The following PCBP3 variants were observed in gnomAD, a reference collection of about 807,000 sequenced individuals.
The protein encoded by PCBP3 is poly(rC) binding protein 3.
In PCBP3, 25 loss-of-function variants were observed where a neutral mutation model predicts 52.7. That is an observed-to-expected ratio of 0.47 (90% confidence interval 0.35 to 0.66). PCBP3 has a LOEUF of 0.66. PCBP3 is among the 30% of genes least tolerant of loss of function. The pLI, the probability that PCBP3 is intolerant of heterozygous loss-of-function variation, is 0.01. For missense variants in PCBP3, 391 were observed against 490.3 expected (o/e 0.80, Z 1.91); for synonymous variants, 162 against 183.0 (o/e 0.89, Z 0.93).
Position 45,677,837 on chromosome 21 carries a change from G to C in PCBP3, c.-200+8885G>C, listed in dbSNP as rs370133471. Reference sequence around the variant, plus strand: ...GCACATCTTTATAGCATGGTTTACTGAATCTTTTAAGCCTTCTCTTGAGAC... The same window carrying C: ...GCACATCTTTATAGCATGGTTTACTCAATCTTTTAAGCCTTCTCTTGAGAC... On this transcript the variant is annotated intron_variant, in intron 2 of 17. Transcript: ENST00000681687. 6.6e-4 allele frequency among the ~76,000 whole-genome samples: 100 copies of C among 152,262 alleles called. 3 individuals carry two copies. The South Asian group carries it at 0.02, about 30-fold the overall frequency.
At chr21:45,810,218 C>CTGTGTGTGTGTGTG (rs149677854) in intron 4 of PCBP3, among the ~76,000 whole-genome samples, 1,492 of 148,142 alleles carry the variant, frequency 0.01, 9 homozygotes, top group Middle Eastern at 0.056. Flanking sequence ...TGATTCGATT[C>CTGTGTGTGTGTGTG]TGTGTGTGTG....
At chr21:45,823,270 G>T (rs1000602930) in intron 4 of PCBP3, among the ~76,000 whole-genome samples, 4 of 152,164 alleles carry the variant, frequency 2.6e-5, no homozygotes, top group African/African-American at 4.8e-5. Context: ...GCGCCCGCTG[G>T]CATGGCTGCT....
At chr21:45,761,022 G>T (rs1340085846) in intron 4 of PCBP3, 1 of 152,050 alleles carries the variant, frequency 6.6e-6, no homozygotes, top group Non-Finnish European at 1.5e-5. Context: ...GGGAGGCGGA[G>T]GTTTCTGTGA....
chr21:45,934,040 CT>C (rs2076614128), intron 15 of PCBP3, among the ~76,000 whole-genome samples: 1 of 152,092 alleles, frequency 6.6e-6, no homozygotes, highest in Admixed American at 6.5e-5. Flanking sequence ...TTGGGGACCC[CT>C]CTGGTCTGTC....
At chr21:45,936,527 G>C (rs2076914973) in intron 16 of PCBP3, among the ~76,000 whole-genome samples, 1 of 152,234 alleles carries the variant, frequency 6.6e-6, no homozygotes, top group African/African-American at 2.4e-5. Context: ...CCCCAGGTGT[G>C]GGGTGGCACA....
intron 2 of PCBP3, among the ~76,000 whole-genome samples, chr21:45,689,011 A>G (rs1394656886): frequency 1.3e-5 from 2 of 152,148 alleles, no homozygotes; most frequent in African/African-American, 4.8e-5. Context: ...AAGTTTGAGA[A>G]AAAAATAATA....
chr21:45,935,111 C>T, intron 15 of PCBP3, 142 bp from the exon 16 acceptor site: 1 of 613,436 alleles, frequency 1.6e-6, no homozygotes, highest in Non-Finnish European at 2.9e-6. Flanking sequence ...AGGGTCCTGG[C>T]CCTCTGGGCT....
chr21:45,749,139 T>C (rs1366894331), intron 3 of PCBP3, among the ~76,000 whole-genome samples: 1 of 151,970 alleles, frequency 6.6e-6, no homozygotes, highest in African/African-American at 2.4e-5. Context: ...ACCCTTTTTA[T>C]CAGTAAAGAA....
At chr21:45,705,958 G>C (rs184143021) in intron 2 of PCBP3, among the ~76,000 whole-genome samples, 8 of 152,326 alleles carry the variant, frequency 5.3e-5, no homozygotes, top group African/African-American at 1.9e-4. Flanking sequence ...TTTTGCACAT[G>C]TGTGTTTATG....
At chr21:45,835,016 G>T (rs1164389190) in intron 4 of PCBP3, among the ~76,000 whole-genome samples, 1 of 152,244 alleles carries the variant, frequency 6.6e-6, no homozygotes, top group Non-Finnish European at 1.5e-5. Flanking sequence ...CGGGCAGCTT[G>T]GGAGGCCGGT....
rs1032642665 is a variant in PCBP3 at position 45,683,427 on chromosome 21, G to A, written c.-200+14475G>A. ...GAGGACTTACTTTGGGTTAGACACA[G>A]CAAAGTAAGGAGATCTAAGGTGAAA... On this transcript the variant is annotated intron_variant, in intron 2 of 17. Coordinates refer to ENST00000681687, the MANE Select transcript of PCBP3 (RefSeq NM_001384156.1). 7.9e-5 allele frequency among the ~76,000 whole-genome samples: 12 copies of A among 152,270 alleles called. No individual in the cohort carries two copies. In the South Asian group the frequency reaches 2.5e-3, roughly 32 times the overall value.
rs1035630377 is a variant in PCBP3 at position 45,892,557 on chromosome 21, G to A, written c.11-3651G>A. ...GCTTCATGTACCAGACCGTGTTCAT[G>A]TTCACACCTGGGAGGAGGGGAAGCA... On this transcript the variant is annotated intron_variant, in intron 5 of 17. Transcript: ENST00000681687. Among the ~76,000 whole-genome samples, 3 of 146,380 alleles carry A rather than the reference G, an allele frequency of 2.0e-5. No homozygotes were observed. The Admixed American group carries it at 2.1e-4, about 10-fold the overall frequency.
chr21:45,913,853 G>A (rs2096453171), intron 11 of PCBP3, 98 bp from the exon 12 acceptor site: 3 of 1,128,774 alleles, frequency 2.7e-6, no homozygotes, highest in Non-Finnish European at 3.8e-6. Flanking sequence ...TGGAGCTGGT[G>A]CAGGGGGCTG....
chr21:45,888,115 C>G (rs934959112), intron 5 of PCBP3, among the ~76,000 whole-genome samples: 1 of 152,216 alleles, frequency 6.6e-6, no homozygotes, highest in African/African-American at 2.4e-5. Flanking sequence ...GTACGAATCC[C>G]AGGGAGGCCG....
intron 2 of PCBP3, among the ~76,000 whole-genome samples, chr21:45,710,574 A>G (rs909685364): frequency 3.9e-5 from 6 of 152,212 alleles, no homozygotes; most frequent in African/African-American, 1.2e-4. Context: ...ACATGCTGCT[A>G]TAACGACACA....
At chr21:45,804,356 C>T (rs1261432981) in intron 4 of PCBP3, among the ~76,000 whole-genome samples, 1 of 152,132 alleles carries the variant, frequency 6.6e-6, no homozygotes, top group African/African-American at 2.4e-5. Context: ...GTGCCCACAC[C>T]ATCCATGTAG....
intron 4 of PCBP3, among the ~76,000 whole-genome samples, chr21:45,756,475 A>T (rs1323150611): frequency 6.6e-6 from 1 of 152,248 alleles, no homozygotes; most frequent in Non-Finnish European, 1.5e-5. Context: ...AAAAAAGACC[A>T]CTGAGATTTT....
chr21:45,935,034 C>G (rs1323885346), intron 15 of PCBP3, among the ~76,000 whole-genome samples: 2 of 152,220 alleles, frequency 1.3e-5, no homozygotes. Context: ...GCTTGGGTTT[C>G]TCTTTCCTTC....
intron 4 of PCBP3, among the ~76,000 whole-genome samples, chr21:45,820,691 AAGCC>A (rs1353510317): frequency 1.3e-5 from 2 of 152,154 alleles, no homozygotes; most frequent in African/African-American, 4.8e-5. Flanking sequence ...GGTTTCTGAG[AAGCC>A]AGAGGAGGGA....
Sources: allele counts gnomAD v4.1 joint callset (sites outside exome capture counted in the v4.1 genomes callset), GRCh38; gene constraint gnomAD v4.1.1; transcripts MANE v1.5; gene names NCBI Gene and HGNC (gene_info 2026-07-23, HGNC 2026-07-21).